Variants in MAP4K4 observed in about 807,000 individuals in gnomAD.
The protein encoded by MAP4K4 is HPK/GCK-like kinase HGK.
A neutral mutation model predicts 189.6 loss-of-function variants in MAP4K4; 38 were observed. The ratio of observed to expected loss-of-function variants is 0.20; its 90% CI spans 0.15 to 0.26. The LOEUF is 0.26. MAP4K4 is among the 10% of genes least tolerant of loss of function. MAP4K4 has a pLI of 1.00. For synonymous variants in MAP4K4, 610 were observed against 624.3 expected (o/e 0.98, Z 0.34); for missense variants, 1,054 against 1,726.9 (o/e 0.61, Z 6.91).
At chr2:101,780,761 G>A (rs1280441731) in intron 2 of MAP4K4, among the ~76,000 whole-genome samples, 1 of 152,174 alleles carries the variant, frequency 6.6e-6, no homozygotes, top group Non-Finnish European at 1.5e-5. Context: ...TTTATTTAGT[G>A]CTGAATTAAA....
At chr2:101,759,503 CT>C (rs2074797785) in intron 2 of MAP4K4, among the ~76,000 whole-genome samples, 1 of 51,512 alleles carries the variant, frequency 1.9e-5, no homozygotes, top group African/African-American at 9.2e-5. Context: ...CTCCTCCCCT[CT>C]CCCCTCCCCT....
intron 2 of MAP4K4, among the ~76,000 whole-genome samples, chr2:101,721,295 T>C (rs1406572788): frequency 6.6e-6 from 1 of 152,112 alleles, no homozygotes; most frequent in Non-Finnish European, 1.5e-5. Context: ...ATTTTTTTTT[T>C]CTCTAGGGCA....
intron 26 of MAP4K4, among the ~76,000 whole-genome samples, chr2:101,874,861 C>CTTTTGT (rs2098155157): frequency 6.6e-6 from 1 of 152,102 alleles, no homozygotes; most frequent in African/African-American, 2.4e-5. Flanking sequence ...TGCCACAATA[C>CTTTTGT]CTGCAGCTTT....
intron 12 of MAP4K4, among the ~76,000 whole-genome samples, chr2:101,852,568 T>C (rs1182273657): frequency 6.6e-6 from 1 of 152,224 alleles, no homozygotes; most frequent in Non-Finnish European, 1.5e-5. Flanking sequence ...TCGGTTGAAG[T>C]TGAACTTTTT....
chr2:101,791,197 G>A (rs1348007136), intron 3 of MAP4K4, among the ~76,000 whole-genome samples: 1 of 152,040 alleles, frequency 6.6e-6, no homozygotes, highest in Non-Finnish European at 1.5e-5. Context: ...TTTAACATGG[G>A]GGAGGAAAAC....
At chr2:101,865,338 G>A (rs768414024) in intron 18 of MAP4K4, among the ~76,000 whole-genome samples, 2 of 152,102 alleles carry the variant, frequency 1.3e-5, no homozygotes, top group African/African-American at 2.4e-5. Context: ...AATTGTGATC[G>A]GGGGGAGCTT....
chr2:101,778,765 T>A (rs1305003961), intron 2 of MAP4K4, among the ~76,000 whole-genome samples: 1 of 152,154 alleles, frequency 6.6e-6, no homozygotes, highest in Non-Finnish European at 1.5e-5. Flanking sequence ...GACCTTCACC[T>A]ACAGGCTGCT....
At chr2:101,860,799 T>G (rs1435967862) in intron 15 of MAP4K4, 26 bp from the exon 16 acceptor site, 35 of 1,582,908 alleles carry the variant, frequency 2.2e-5, no homozygotes, top group Non-Finnish European at 2.8e-5. Flanking sequence ...TAACACTGAG[T>G]TATGTCTTCT....
At chr2:101,738,668 A>G (rs975130453) in intron 2 of MAP4K4, among the ~76,000 whole-genome samples, 1 of 152,050 alleles carries the variant, frequency 6.6e-6, no homozygotes, top group African/African-American at 2.4e-5. Flanking sequence ...GGATTGCTGT[A>G]AGGACCTTGA....
intron 9 of MAP4K4, 34 bp downstream of exon 9, chr2:101,836,012 C>T (rs903735380): frequency 4.6e-6 from 7 of 1,518,026 alleles, no homozygotes; most frequent in Non-Finnish European, 5.5e-6. Flanking sequence ...TGTTCTTTTC[C>T]CTTTTTTTTA....
chr2:101,871,364 T>C (rs1361443649), intron 23 of MAP4K4, 130 bp from the exon 24 acceptor site: 4 of 688,994 alleles, frequency 5.8e-6, no homozygotes, highest in Non-Finnish European at 9.4e-6. Context: ...TTCAGGCTAA[T>C]TTCTTTGGTT....
At chr2:101,701,448 T>C (rs2038680038) in intron 2 of MAP4K4, among the ~76,000 whole-genome samples, 1 of 152,092 alleles carries the variant, frequency 6.6e-6, no homozygotes, top group Admixed American at 6.6e-5. Context: ...GAGATGTTAT[T>C]TGGACTTGAG....
intron 2 of MAP4K4, among the ~76,000 whole-genome samples, chr2:101,773,793 A>G (rs897516211): frequency 6.6e-6 from 1 of 151,960 alleles, no homozygotes; most frequent in Non-Finnish European, 1.5e-5. Context: ...CATGAGTTCA[A>G]TTGGTTTGAT....
exon 33 of MAP4K4, chr2:101,892,924 G>A (rs2098590908): frequency 2.2e-6 from 1 of 456,302 alleles, no homozygotes; most frequent in Non-Finnish European, 4.4e-6. Flanking sequence ...CGAGTTCTGA[G>A]TGGAAATAAC....
intron 15 of MAP4K4, 66 bp from the exon 16 acceptor site, chr2:101,860,759 C>CT: frequency 7.5e-7 from 1 of 1,338,802 alleles, no homozygotes; most frequent in South Asian, 1.5e-5. Flanking sequence ...CACTTTTAGA[C>CT]TTTCTTTGAT....
intron 2 of MAP4K4, among the ~76,000 whole-genome samples, chr2:101,769,335 C>G (rs2080189332): frequency 6.6e-6 from 1 of 152,116 alleles, no homozygotes; most frequent in South Asian, 2.1e-4. Context: ...AGGTAAGGTC[C>G]CTGGCCTCCT....
intron 2 of MAP4K4, among the ~76,000 whole-genome samples, chr2:101,789,714 T>G (rs1316916555): frequency 6.6e-6 from 1 of 152,214 alleles, no homozygotes; most frequent in African/African-American, 2.4e-5. Flanking sequence ...GAAGGACCGT[T>G]TCTCACAAAG....
intron 3 of MAP4K4, among the ~76,000 whole-genome samples, chr2:101,822,133 A>T (rs1432954789): frequency 3.9e-5 from 6 of 152,232 alleles, no homozygotes; most frequent in Non-Finnish European, 7.3e-5. Flanking sequence ...GTTTAAATAA[A>T]TAGGAGTACA....
chr2:101,719,668 A>G (rs2149420386), intron 2 of MAP4K4, among the ~76,000 whole-genome samples: 1 of 152,334 alleles, frequency 6.6e-6, no homozygotes, highest in East Asian at 1.9e-4. Context: ...AGACAGTAAA[A>G]TGCGTCGTGT....
Sources: allele counts gnomAD v4.1 joint callset (sites outside exome capture counted in the v4.1 genomes callset), GRCh38; gene constraint gnomAD v4.1.1; transcripts MANE v1.5; gene names NCBI Gene and HGNC (gene_info 2026-07-23, HGNC 2026-07-21).